The following YAP1 variants were observed in gnomAD, a reference collection of about 807,000 sequenced individuals.
YAP1 encodes transcriptional coactivator YAP1.
A neutral mutation model predicts 56.9 loss-of-function variants in YAP1; 5 were observed. The ratio of observed to expected loss-of-function variants is 0.09; its 90% CI spans 0.05 to 0.18. YAP1 has a LOEUF of 0.18. Ranked by LOEUF, YAP1 falls within the 10% of genes least tolerant of loss-of-function variation. YAP1 has a pLI of 1.00. For missense variants in YAP1, 539 were observed against 651.8 expected (o/e 0.83, Z 1.88); for synonymous variants, 265 against 248.1 (o/e 1.07, Z -0.64).
At chr11:102,220,017 A>C (rs1343477509) in intron 6 of YAP1, among the ~76,000 whole-genome samples, 2 of 145,412 alleles carry the variant, frequency 1.4e-5, no homozygotes, top group Non-Finnish European at 3.0e-5. Flanking sequence ...TACAGGCGTG[A>C]GCCACCACAC....
intron 2 of YAP1, among the ~76,000 whole-genome samples, chr11:102,143,548 C>G (rs1214624955): frequency 6.6e-6 from 1 of 152,170 alleles, no homozygotes; most frequent in Non-Finnish European, 1.5e-5. Context: ...TGCCCCAACC[C>G]TCAAGTTTCC....
At chr11:102,186,814 A>AGTGTGTGTGTGTGTGTG (rs1491283213) in intron 4 of YAP1, 12 of 138,418 alleles carry the variant, frequency 8.7e-5, no homozygotes, top group Non-Finnish European at 1.6e-4. Context: ...TTTTTAAAAA[A>AGTGTGTGTGTGTGTGTG]TGTGTGTGTG....
rs1329159804 is a variant in YAP1, at chr11:102,111,119, C to T, written c.271C>T (p.Leu91=). 6.2e-7 allele frequency: 1 copy of T among 1,613,310 alleles called. No homozygotes were observed. The highest frequency in any genetic ancestry group is 1.3e-5 in the African/African-American group (1 of 74,932). The change falls in exon 1 of 9, where the codon CTG becomes TTG. Residue 91 remains leucine (L), a synonymous_variant. Coordinates refer to ENST00000282441, the MANE Select transcript of YAP1 (RefSeq NM_001130145.3). ...PQTVPMRLRK[L]PDSFFKPPEP... is the part of the protein sequence containing the mutation. ...GACCGTGCCCATGAGGCTCCGGAAG[C>T]TGCCCGACTCCTTCTTCAAGCCGCC...
At chr11:102,147,583 T>C (rs79336228) in intron 2 of YAP1, among the ~76,000 whole-genome samples, 2,205 of 152,304 alleles carry the variant, frequency 0.014, 21 homozygotes, top group Non-Finnish European at 0.023. Context: ...TGAAATAATA[T>C]GACCAACTTA....
intron 6 of YAP1, among the ~76,000 whole-genome samples, chr11:102,216,334 G>A (rs767909593): frequency 5.3e-5 from 8 of 151,950 alleles, no homozygotes; most frequent in Non-Finnish European, 7.4e-5. Flanking sequence ...TAGACATTTT[G>A]CTACTTTAAA....
At position 102,187,027 on chromosome 11, in the gene YAP1, T is replaced by C. The variant is rs1948000548; in HGVS notation, c.802+896T>C. Among the ~76,000 whole-genome samples, 2 of 152,074 alleles carry C rather than the reference T, an allele frequency of 1.3e-5. 1 individual carries two copies. Among genetic ancestry groups the C allele is most frequent in the South Asian group, 4.2e-4 (2 of 4,818 alleles). ...TCAGACTGAGGGGACTCGGAACCTT[T>C]GAAGCTTTACAGGGTTTGACCTAAC... On this transcript the variant is annotated intron_variant, in intron 4 of 8. Coordinates refer to ENST00000282441, the MANE Select transcript of YAP1 (RefSeq NM_001130145.3).
chr11:102,186,497 G>C (rs2135510846), intron 4 of YAP1: 1 of 272,112 alleles, frequency 3.7e-6, no homozygotes, highest in East Asian at 1.3e-4. Flanking sequence ...AGGAGTACCA[G>C]CTTTTGTCAG....
chr11:102,125,478 G>A (rs556458002), intron 2 of YAP1, among the ~76,000 whole-genome samples: 2 of 151,496 alleles, frequency 1.3e-5, no homozygotes, highest in Non-Finnish European at 2.9e-5. Context: ...CTGGGTTCAA[G>A]TGATTCTCCT....
chr11:102,145,591 T>C (rs527829860), intron 2 of YAP1, among the ~76,000 whole-genome samples: 1 of 152,290 alleles, frequency 6.6e-6, no homozygotes, highest in Non-Finnish European at 1.5e-5. Flanking sequence ...ATTATAAATA[T>C]TGAACTGAGA....
At chr11:102,131,258 G>A (rs1310942583) in intron 2 of YAP1, among the ~76,000 whole-genome samples, 1 of 152,106 alleles carries the variant, frequency 6.6e-6, no homozygotes, top group African/African-American at 2.4e-5. Flanking sequence ...TGCTCTTCCT[G>A]CCATTCTTTT....
chr11:102,164,702 C>A (rs1283555980), intron 3 of YAP1, among the ~76,000 whole-genome samples: 1 of 151,950 alleles, frequency 6.6e-6, no homozygotes, highest in East Asian at 1.9e-4. Flanking sequence ...AGGTATGTAT[C>A]AACTTGGTTT....
intron 2 of YAP1, among the ~76,000 whole-genome samples, chr11:102,138,320 C>G (rs968501678): frequency 6.6e-6 from 1 of 152,212 alleles, no homozygotes; most frequent in African/African-American, 2.4e-5. Flanking sequence ...CTGATACTGC[C>G]TGAAGTCACT....
chr11:102,155,218 T>C (rs947541948), intron 2 of YAP1, among the ~76,000 whole-genome samples: 4 of 152,200 alleles, frequency 2.6e-5, no homozygotes, highest in African/African-American at 9.6e-5. Context: ...AAATAACATT[T>C]CCTAAAAATG....
At chr11:102,125,164 A>C (rs532689196) in intron 2 of YAP1, among the ~76,000 whole-genome samples, 1 of 150,598 alleles carries the variant, frequency 6.6e-6, no homozygotes, top group Admixed American at 6.6e-5. Flanking sequence ...AGCCTCCCCA[A>C]GTAGCTGGGA....
chr11:102,125,964 TG>T (rs931148145), intron 2 of YAP1, among the ~76,000 whole-genome samples: 1 of 152,052 alleles, frequency 6.6e-6, no homozygotes, highest in African/African-American at 2.4e-5. Context: ...TCTGCCAGTC[TG>T]GAGAGCACCA....
At chr11:102,198,381 T>C (rs887940185) in intron 4 of YAP1, among the ~76,000 whole-genome samples, 3 of 152,236 alleles carry the variant, frequency 2.0e-5, no homozygotes, top group Non-Finnish European at 4.4e-5. Flanking sequence ...TTTACCACTT[T>C]ATTTTTGTGT....
intron 4 of YAP1, among the ~76,000 whole-genome samples, chr11:102,204,776 T>C (rs1043626522): frequency 6.6e-6 from 1 of 152,208 alleles, no homozygotes; most frequent in Non-Finnish European, 1.5e-5. Flanking sequence ...TTTCTTTTAA[T>C]ATCCTTGTAT....
intron 2 of YAP1, among the ~76,000 whole-genome samples, chr11:102,132,089 G>C (rs1944397452): frequency 1.3e-5 from 2 of 152,114 alleles, no homozygotes; most frequent in South Asian, 4.2e-4. Context: ...CTGCATCCCA[G>C]CCTGGGCAAC....
At chr11:102,202,254 C>G (rs1223448680) in intron 4 of YAP1, among the ~76,000 whole-genome samples, 1 of 151,590 alleles carries the variant, frequency 6.6e-6, no homozygotes, top group Non-Finnish European at 1.5e-5. Flanking sequence ...CTGTCTGCCT[C>G]CTGGGTTCAA....
Sources: gnomAD v4.1 joint callset for allele counts (sites outside exome capture counted in the v4.1 genomes callset) on GRCh38, gnomAD v4.1.1 for gene constraint, MANE v1.5 for transcripts, NCBI Gene and HGNC (gene_info 2026-07-23, HGNC 2026-07-21) for gene names.